The following RAP1A variants were observed in gnomAD, a reference collection of about 807,000 sequenced individuals.
RAP1A encodes ras-related protein Rap-1A.
A neutral mutation model predicts 26.4 loss-of-function variants in RAP1A; 6 were observed. The ratio of observed to expected loss-of-function variants is 0.23; its 90% CI spans 0.12 to 0.45. The LOEUF (loss-of-function observed/expected upper bound fraction) is 0.45, where lower values mean the gene tolerates loss of function less well. Ranked by LOEUF, RAP1A falls within the 20% of genes least tolerant of loss-of-function variation. The pLI is 0.99. For missense variants in RAP1A, 121 were observed against 217.2 expected (o/e 0.56, Z 2.78); for synonymous variants, 73 against 79.4 (o/e 0.92, Z 0.43).
At position 111,704,137 on chromosome 1, in the gene RAP1A, G is replaced by A. The variant is rs372280570; in HGVS notation, c.325-206G>A. 3.4e-4 allele frequency among the ~76,000 whole-genome samples: 50 copies of A among 145,668 alleles called. No homozygotes were observed. In the South Asian group the frequency reaches 9.5e-3, roughly 28 times the overall value. Reference sequence around the variant, plus strand: ...AATAATTTGGCATATCTATGTAGTAGGATCTCTTCCATTTTTTTTTTTTTT... The same window carrying A: ...AATAATTTGGCATATCTATGTAGTAAGATCTCTTCCATTTTTTTTTTTTTT... On this transcript the variant is annotated intron_variant, in intron 5 of 7. Coordinates refer to ENST00000369709, the MANE Select transcript of RAP1A (RefSeq NM_002884.4).
chr1:111,688,097 CTTT>C (rs542315869), intron 1 of RAP1A, among the ~76,000 whole-genome samples: 1 of 124,138 alleles, frequency 8.1e-6, no homozygotes. Flanking sequence ...TTGCCTCCAG[CTTT>C]TTTTTTTTTT....
At chr1:111,631,563 A>G (rs1659568061) in intron 1 of RAP1A, among the ~76,000 whole-genome samples, 1 of 152,234 alleles carries the variant, frequency 6.6e-6, no homozygotes, top group South Asian at 2.1e-4. Context: ...CTAATTATAG[A>G]GAATCACGTG....
chr1:111,639,183 T>C (rs1257680282), intron 1 of RAP1A, among the ~76,000 whole-genome samples: 8 of 152,228 alleles, frequency 5.3e-5, no homozygotes, highest in Admixed American at 2.6e-4. Context: ...AGGTACATCA[T>C]ACTGTGTTGT....
At chr1:111,667,748 AT>A (rs972169468) in intron 1 of RAP1A, among the ~76,000 whole-genome samples, 2 of 152,002 alleles carry the variant, frequency 1.3e-5, no homozygotes, top group Admixed American at 6.5e-5. Context: ...GCCATTTAAG[AT>A]TTTTTAAATG....
At chr1:111,704,548 C>G in intron 6 of RAP1A, 62 bp downstream of exon 6, 1 of 1,466,408 alleles carries the variant, frequency 6.8e-7, no homozygotes, top group Non-Finnish European at 9.1e-7. Context: ...AAGTTAACAG[C>G]CAGACTTTTA....
intron 1 of RAP1A, chr1:111,564,072 G>C: frequency 1.4e-6 from 1 of 704,238 alleles, no homozygotes; most frequent in Non-Finnish European, 2.5e-6. Flanking sequence ...TAGAGAATTG[G>C]ACATACTCAT....
chr1:111,571,030 A>C (rs945855858), intron 1 of RAP1A, among the ~76,000 whole-genome samples: 5 of 152,212 alleles, frequency 3.3e-5, no homozygotes, highest in African/African-American at 1.2e-4. Flanking sequence ...GCTCAGTCTC[A>C]CAAGACTGCC....
At chr1:111,586,984 C>T (rs1260016801) in intron 1 of RAP1A, among the ~76,000 whole-genome samples, 1 of 152,114 alleles carries the variant, frequency 6.6e-6, no homozygotes, top group Non-Finnish European at 1.5e-5. Context: ...TGCTAAGGTC[C>T]ACGTAGAGGA....
At chr1:111,661,856 G>A (rs1407656529) in intron 1 of RAP1A, among the ~76,000 whole-genome samples, 2 of 150,616 alleles carry the variant, frequency 1.3e-5, no homozygotes, top group East Asian at 3.9e-4. Flanking sequence ...TGGTTCCATG[G>A]TAAGAAAGTA....
At chr1:111,673,677 C>T (rs542057596) in intron 1 of RAP1A, among the ~76,000 whole-genome samples, 7 of 152,222 alleles carry the variant, frequency 4.6e-5, no homozygotes, top group East Asian at 3.9e-4. Flanking sequence ...GGTGCTGTGT[C>T]GGGAGTGCAG....
intron 1 of RAP1A, among the ~76,000 whole-genome samples, chr1:111,662,478 AG>A (rs1229767275): frequency 7.9e-5 from 12 of 151,752 alleles, no homozygotes; most frequent in Non-Finnish European, 1.5e-4. Context: ...AAAGGTGTCT[AG>A]GGGGTGTTAT....
intron 1 of RAP1A, among the ~76,000 whole-genome samples, chr1:111,607,813 G>A (rs1307155573): frequency 5.3e-5 from 7 of 132,688 alleles, no homozygotes; most frequent in African/African-American, 2.0e-4. Context: ...TGGCCGGGCG[G>A]GGGGCTGACC....
chr1:111,627,306 T>C (rs1270031380), intron 1 of RAP1A, among the ~76,000 whole-genome samples: 1 of 152,164 alleles, frequency 6.6e-6, no homozygotes, highest in Non-Finnish European at 1.5e-5. Context: ...ACTTTATATA[T>C]ACTGTTTTGA....
At chr1:111,583,884 T>C (rs895302565) in intron 1 of RAP1A, among the ~76,000 whole-genome samples, 142 of 144,596 alleles carry the variant, frequency 9.8e-4, no homozygotes, top group South Asian at 4.5e-4. Context: ...TTCTTTTTTT[T>C]TTTTTTTTTT....
At chr1:111,691,101 A>G (rs897589130) in intron 1 of RAP1A, among the ~76,000 whole-genome samples, 5 of 152,238 alleles carry the variant, frequency 3.3e-5, no homozygotes, top group African/African-American at 1.2e-4. Flanking sequence ...TAGAAGTAAT[A>G]TGAACATAAT....
chr1:111,604,132 G>A (rs570445920), intron 1 of RAP1A, among the ~76,000 whole-genome samples: 2 of 152,318 alleles, frequency 1.3e-5, no homozygotes, highest in African/African-American at 2.4e-5. Flanking sequence ...AGTGAGAAGA[G>A]GCCCTGAGGC....
At chr1:111,619,703 C>A, upstream of RAP1A, 1 of 392,730 alleles carries the variant, frequency 2.5e-6, no homozygotes, top group Non-Finnish European at 4.5e-6. Flanking sequence ...GGGCCGAAGC[C>A]CAGCCATCGC....
chr1:111,658,441 A>T (rs1156331945), intron 1 of RAP1A, among the ~76,000 whole-genome samples: 1 of 152,170 alleles, frequency 6.6e-6, no homozygotes, highest in Non-Finnish European at 1.5e-5. Flanking sequence ...CTGTAATAAC[A>T]CTTAGCTTAA....
At chr1:111,614,288 A>T (rs1658977932) in intron 1 of RAP1A, among the ~76,000 whole-genome samples, 1 of 152,218 alleles carries the variant, frequency 6.6e-6, no homozygotes, top group Non-Finnish European at 1.5e-5. Context: ...TACCAATGCC[A>T]GGTCACATTT....
Sources: allele counts gnomAD v4.1 joint callset (sites outside exome capture counted in the v4.1 genomes callset), GRCh38; gene constraint gnomAD v4.1.1; transcripts MANE v1.5; gene names NCBI Gene and HGNC (gene_info 2026-07-23, HGNC 2026-07-21).